The following LRP3 variants were observed in gnomAD, a reference collection of about 807,000 sequenced individuals.
LRP3 encodes the protein low-density lipoprotein receptor-related protein 3.
LRP3 carries 49 observed loss-of-function variants against 58.5 expected under a neutral mutation model. The observed-to-expected ratio is 0.84, with a 90% CI of 0.67 to 1.06. LRP3 has a LOEUF of 1.06. Ranked by LOEUF, LRP3 falls within the 50% of genes least tolerant of loss-of-function variation. The probability of loss-of-function intolerance (pLI) is 0.00; values close to 1 mark genes in which losing one functional copy is unlikely to be tolerated. For synonymous variants in LRP3, 485 were observed against 492.2 expected, an observed-to-expected ratio of 0.99 and a Z score of 0.20; for missense variants, 1,019 against 1,134.2, an observed-to-expected ratio of 0.90 and a Z score of 1.46.
At chr19:33,206,869 G>T (rs1393648204) in intron 6 of LRP3, 119 bp from the exon 7 acceptor site, 2 of 1,198,792 alleles carry the variant, frequency 1.7e-6, no homozygotes, top group Non-Finnish European at 2.3e-6. Flanking sequence ...GGTGGGGGGG[G>T]TGGACAAGGT....
At chr19:33,203,824 G>A (rs534773785) in intron 3 of LRP3, 24 of 152,386 alleles carry the variant, frequency 1.6e-4, no homozygotes, top group African/African-American at 5.5e-4. Context: ...CATGGTTTCT[G>A]GAGGGGGCCT....
chr19:33,204,057 A>T (rs1974372171), intron 3 of LRP3: 1 of 153,718 alleles, frequency 6.5e-6, no homozygotes, highest in Non-Finnish European at 1.4e-5. Context: ...TGAGGATGTG[A>T]TGGGCATGGG....
At position 33,204,811 on chromosome 19, in the gene LRP3, G is replaced by A; in HGVS notation, c.434G>A (p.Ser145Asn). 6.2e-7 allele frequency: 1 copy of A among 1,613,592 alleles called. No homozygotes were observed. The highest frequency in any genetic ancestry group is 8.5e-7 in the Non-Finnish European group (1 of 1,179,996). ...VWIFFHSDAS[S>N]SGQAQGFRLS... Reference sequence around the variant, plus strand: ...ATTTTCTTCCACTCAGACGCCTCCAGCTCCGGCCAGGCCCAGGGCTTCCGT... The same window carrying A: ...ATTTTCTTCCACTCAGACGCCTCCAACTCCGGCCAGGCCCAGGGCTTCCGT... Residue 145 changes from serine (S) to asparagine (N), a missense_variant, in exon 4 of 7, where the codon AGC becomes AAC. This residue lies in a region of LRP3 where 592 missense variants were observed against 725.5 expected (regional missense o/e 0.82). Coordinates refer to ENST00000253193, the MANE Select transcript of LRP3 (RefSeq NM_002333.4).
chr19:33,206,805 G>A (rs1974419030), intron 6 of LRP3, 72 bp downstream of exon 6: 9 of 1,450,968 alleles, frequency 6.2e-6, no homozygotes, highest in Non-Finnish European at 8.3e-6. Context: ...TGGTCCAGGG[G>A]TCACAGGAGC....
rs1974374397 is a variant in LRP3 at position 33,204,237 on chromosome 19, T to C, written c.261-401T>C. The C allele has an allele frequency of 1.5e-5, 3 of 203,824 alleles. 1 individual carries two copies. The Admixed American group carries it at 1.6e-4, about 11-fold the overall frequency. The allele number at this position is 203,824 out of a possible 1,614,324, so 12.6% of individuals were successfully genotyped here. A position where few individuals can be genotyped will look rare whatever the true frequency, so the allele number is the denominator to read the frequency against. ...GGACTTTGTGCTGGGCCCATCCCAG[T>C]GGTCCCGAGGTGGAGGGTTCTGGGC... On this transcript the variant is annotated intron_variant, in intron 3 of 6. Transcript: ENST00000253193.
At chr19:33,204,559 C>A in intron 3 of LRP3, 79 bp from the exon 4 acceptor site, 1 of 1,085,662 alleles carries the variant, frequency 9.2e-7, no homozygotes. Flanking sequence ...TGGCTCCAGC[C>A]TGACCACTCC....
At position 33,207,673 on chromosome 19, in the gene LRP3, C is replaced by T; in HGVS notation, c.*98C>T. ...TCTGCGTCCTTTCTTATGGAGAGGC[C>T]CTCCGGGGACCCCAGCGGAGGGGCT... On this transcript the variant is annotated 3_prime_UTR_variant, in exon 7 of 7. Coordinates refer to ENST00000253193, the MANE Select transcript of LRP3 (RefSeq NM_002333.4). 1 of 967,978 alleles carries T rather than the reference C, an allele frequency of 1.0e-6. No individual in the cohort carries two copies. The highest frequency in any genetic ancestry group is 1.6e-6 in the Non-Finnish European group (1 of 639,820). The allele number at this position is 967,978 out of a possible 1,614,324, so 60.0% of individuals were successfully genotyped here. A position where few individuals can be genotyped will look rare whatever the true frequency, so the allele number is the denominator to read the frequency against.
At chr19:33,204,257 C>G (rs1974374756) in intron 3 of LRP3, 1 of 259,360 alleles carries the variant, frequency 3.9e-6, no homozygotes, top group African/African-American at 2.2e-5. Flanking sequence ...GTGGAGGGTT[C>G]TGGGCCCTTG....
chr19:33,207,348 G>T lies in LRP3; in HGVS notation c.2086G>T (p.Val696Leu). Residue 696 changes from valine (V) to leucine (L), a missense_variant, in exon 7 of 7, where the codon GTG (valine) becomes TTG (leucine). Transcript: ENST00000253193. ...SGLRDPECRPVDKDRKVCREP... is the reference protein window; with the variant it reads ...SGLRDPECRPLDKDRKVCREP... ...CCTGCGAGACCCAGAGTGCAGGCCCGTGGACAAGGACAGAAAGGTCTGCAG... is the reference window on the plus strand; with the variant it reads ...CCTGCGAGACCCAGAGTGCAGGCCCTTGGACAAGGACAGAAAGGTCTGCAG... The T allele has an allele frequency of 6.3e-7, 1 of 1,585,894 alleles. No individual in the cohort carries two copies. Among genetic ancestry groups the T allele is most frequent in the East Asian group, 2.3e-5 (1 of 44,182 alleles).
chr19:33,196,854 G>C, intron 2 of LRP3, 77 bp downstream of exon 2: 1 of 1,363,296 alleles, frequency 7.3e-7, no homozygotes, highest in Non-Finnish European at 1.1e-6. Flanking sequence ...CAGGCCTTCA[G>C]GGTCCTGGCA....
rs1383511120 is a variant in LRP3 at position 33,206,681 on chromosome 19, C to G, written c.1673C>G (p.Ala558Gly). 1 of 1,563,166 alleles carries G rather than the reference C, an allele frequency of 6.4e-7. No homozygotes were observed. Among genetic ancestry groups the G allele is most frequent in the Non-Finnish European group, 8.6e-7 (1 of 1,156,364 alleles). ...CCCCCATCCTATGGTCAGCTCATCGCCCAGGGCCTCATTCCACCCGTGGAG... is the reference window on the plus strand; with the variant it reads ...CCCCCATCCTATGGTCAGCTCATCGGCCAGGGCCTCATTCCACCCGTGGAG... ...EAPPSYGQLI[A>G]QGLIPPVEDF... Residue 558 changes from alanine (A) to glycine (G), a missense_variant, in exon 6 of 7, where the codon GCC becomes GGC. Physicochemically the swap from Ala to Gly is moderately conservative, Grantham distance 60. Around this residue, in one of 2 missense-constraint regions of LRP3, gnomAD observed 427 missense variants for 408.6 expected, o/e 1.04. Transcript: ENST00000253193.
In LRP3 at chr19:33,204,846, A is replaced by G. The variant is rs773159724; in HGVS notation, c.469A>G (p.Ile157Val). Residue 157 changes from isoleucine (I) to valine (V), a missense_variant, in exon 4 of 7, where the codon ATC becomes GTC. By Grantham distance (29) the Ile-to-Val change is conservative. This residue lies in a region of LRP3 where 592 missense variants were observed against 725.5 expected (regional missense o/e 0.82). Transcript: ENST00000253193. ...GGCCCAGGGCTTCCGTCTGTCTTAC[A>G]TCCGAGGTGATGGAGGCTGCAGGGC... ...GQAQGFRLSY[I>V]RGKLGQASCQ... The G allele has an allele frequency of 1.2e-6, 2 of 1,612,874 alleles. No individual in the cohort carries two copies. The highest frequency in any genetic ancestry group is 1.3e-5 in the African/African-American group (1 of 75,042).
At chr19:33,200,321 T>C (rs1275833317) in intron 2 of LRP3, among the ~76,000 whole-genome samples, 4 of 152,130 alleles carry the variant, frequency 2.6e-5, no homozygotes, top group African/African-American at 9.7e-5. Flanking sequence ...AACATCCGCC[T>C]CCTGGGTTCA....
intron 2 of LRP3, among the ~76,000 whole-genome samples, chr19:33,198,770 G>A (rs1287406886): frequency 6.6e-6 from 1 of 152,188 alleles, no homozygotes; most frequent in Admixed American, 6.5e-5. Context: ...CAACGGGGAG[G>A]GCCTGGGCAG....
rs749141618 is a variant in LRP3 at position 33,205,436 on chromosome 19, G to A, written c.666G>A (p.Ala222=). ...CPGGTFPCSG[A]RSTRCLPVER... ...GGGGGACCTTCCCATGCAGCGGGGC[G>A]CGCTCCACGCGCTGCCTGCCTGTGG... Residue 222 remains alanine (A), a synonymous_variant, in exon 5 of 7, where the codon GCG becomes GCA. Coordinates refer to ENST00000253193, the MANE Select transcript of LRP3 (RefSeq NM_002333.4). 6 of 1,587,736 alleles carry A rather than the reference G, an allele frequency of 3.8e-6. No individual in the cohort carries two copies. The African/African-American group carries it at 4.0e-5, about 11-fold the overall frequency.
intron 2 of LRP3, among the ~76,000 whole-genome samples, chr19:33,199,551 C>T (rs945843650): frequency 1.3e-5 from 2 of 152,118 alleles, no homozygotes; most frequent in African/African-American, 4.8e-5. Context: ...TCCTGCCTCC[C>T]ATCCCCTCTG....
chr19:33,199,049 G>C (rs1568380865), intron 2 of LRP3, among the ~76,000 whole-genome samples: 1 of 152,134 alleles, frequency 6.6e-6, no homozygotes, highest in Non-Finnish European at 1.5e-5. Context: ...CGAGGGCCCA[G>C]GCCATCTTCT....
Position 33,205,819 on chromosome 19 carries a change from G to GCGCC in LRP3, c.1053_1056dup (p.Ser353ProfsTer28). 3 of 1,584,216 alleles carry GCGCC rather than the reference G, an allele frequency of 1.9e-6. No individual in the cohort carries two copies. Among genetic ancestry groups the GCGCC allele is most frequent in the Non-Finnish European group, 1.7e-6 (2 of 1,167,138 alleles). On this transcript the variant is annotated frameshift_variant, in exon 5 of 7. Transcript: ENST00000253193. LOFTEE classifies it high-confidence loss of function. ...CGCCTCACTGTGGCCTACCACGCGC[G>GCGCC]CGCCCGCAGCGCCGGCCACGGCTTC...
chr19:33,195,932 C>T (rs754553227), intron 1 of LRP3, among the ~76,000 whole-genome samples: 1 of 152,126 alleles, frequency 6.6e-6, no homozygotes, highest in South Asian at 2.1e-4. Flanking sequence ...GTGGGGGCAG[C>T]GGTTCCTGCT....
Sources: gnomAD v4.1 joint callset for allele counts (sites outside exome capture counted in the v4.1 genomes callset) on GRCh38, gnomAD v4.1.1 for gene constraint, gnomAD v4.1.1 regional missense constraint, MANE v1.5 for transcripts, NCBI Gene and HGNC (gene_info 2026-07-23, HGNC 2026-07-21) for gene names.